The following KIAA0586 variants were observed in gnomAD, a reference collection of about 807,000 sequenced individuals.
KIAA0586 encodes the protein protein TALPID3.
A neutral mutation model predicts 169.8 loss-of-function variants in KIAA0586; 144 were observed. The observed-to-expected ratio is 0.85, with a 90% CI of 0.74 to 0.97. The LOEUF (loss-of-function observed/expected upper bound fraction) is 0.97. Among genes scored for constraint, KIAA0586 ranks in the 50% least tolerant of loss-of-function variants. KIAA0586 has a pLI of 0.00. For missense variants in KIAA0586, 1,854 were observed against 1,823.0 expected (o/e 1.02, Z -0.31); for synonymous variants, 625 against 612.4 (o/e 1.02, Z -0.30).
Position 58,432,435 on chromosome 14 carries a change from C to G in KIAA0586, c.388C>G (p.Leu130Val), listed in dbSNP as rs1296880388. 2 of 1,567,468 alleles carry G rather than the reference C, an allele frequency of 1.3e-6. No homozygotes were observed. The highest frequency in any genetic ancestry group is 1.7e-6 in the Non-Finnish European group (2 of 1,156,186). The change falls in exon 4 of 31, where the codon CTA (leucine) becomes GTA (valine). Residue 130 changes from leucine to valine, a missense_variant. Physicochemically the swap from Leu to Val is conservative, Grantham distance 32 (BLOSUM62 1). Transcript: ENST00000652326. ...GTATACAATGGGACAGAAAGATGCT[C>G]TAAGAACAGTTTTAAAGCAAAAGTA... Reference protein sequence around the residue: ...SQYTMGQKDALRTVLKQKAQS... With the variant: ...SQYTMGQKDAVRTVLKQKAQS...
rs564257551 is a variant in KIAA0586, at chr14:58,537,805, G to A, written c.4430-2266G>A. ...TGGGACTACAGGTGCCTGCCACCAC[G>A]CCCGGCTAATTTTTTGTATTTTTAG... On this transcript the variant is annotated intron_variant, in intron 29 of 30. Coordinates refer to ENST00000652326, the MANE Select transcript of KIAA0586 (RefSeq NM_001329943.3). 4.0e-4 allele frequency among the ~76,000 whole-genome samples: 61 copies of A among 151,942 alleles called. No homozygotes were observed. In the South Asian group the frequency reaches 6.2e-3, roughly 16 times the overall value.
intron 9 of KIAA0586, 25 bp from the exon 10 acceptor site, chr14:58,456,676 AG>A: frequency 7.7e-7 from 1 of 1,301,850 alleles, no homozygotes; most frequent in Non-Finnish European, 1.1e-6. Flanking sequence ...AATCTTCTGT[AG>A]CGTTGAAACT....
intron 29 of KIAA0586, chr14:58,521,249 G>T: frequency 8.9e-7 from 1 of 1,117,998 alleles, no homozygotes; most frequent in South Asian, 1.2e-5. Flanking sequence ...CCGACAAGAC[G>T]GATCCTCACT....
At chr14:58,533,956 C>G (rs987706552) in intron 29 of KIAA0586, among the ~76,000 whole-genome samples, 3 of 152,188 alleles carry the variant, frequency 2.0e-5, no homozygotes, top group African/African-American at 7.2e-5. Flanking sequence ...TTCACTCTTT[C>G]AAAAGTTACC....
chr14:58,484,892 A>ATATATATATATTTATATATATTTT (rs1555391470), intron 21 of KIAA0586, among the ~76,000 whole-genome samples: 173 of 7,096 alleles, frequency 0.024, 2 homozygotes, highest in Admixed American at 0.038. Context: ...ATATATATTT[A>ATATATATATATTTATATATATTTT]TATATATATA....
chr14:58,456,236 A>G (rs999218490), intron 9 of KIAA0586, among the ~76,000 whole-genome samples: 4 of 152,152 alleles, frequency 2.6e-5, no homozygotes, highest in Non-Finnish European at 4.4e-5. Context: ...AAAAAATTCC[A>G]TAAAGCTTGC....
intron 10 of KIAA0586, 76 bp from the exon 11 acceptor site, chr14:58,457,683 C>A: frequency 1.1e-6 from 1 of 913,480 alleles, no homozygotes; most frequent in Non-Finnish European, 1.7e-6. Flanking sequence ...ATGGCCTCAA[C>A]AATAGTGATA....
At chr14:58,451,840 C>T (rs749247912) in intron 8 of KIAA0586, among the ~76,000 whole-genome samples, 17 of 152,116 alleles carry the variant, frequency 1.1e-4, no homozygotes, top group East Asian at 1.9e-4. Context: ...CCCGCCACCA[C>T]GCCTGGCTAA....
At chr14:58,456,935 C>A in intron 10 of KIAA0586, 125 bp downstream of exon 10, 1 of 629,866 alleles carries the variant, frequency 1.6e-6, no homozygotes, top group Non-Finnish European at 2.8e-6. Flanking sequence ...GATATGTCAG[C>A]CACATCTGTT....
At chr14:58,502,980 C>T in intron 27 of KIAA0586, among the ~76,000 whole-genome samples, 1 of 152,112 alleles carries the variant, frequency 6.6e-6, no homozygotes, top group Middle Eastern at 3.2e-3. Context: ...CAGGAAGTGT[C>T]CTATTTTCTG....
In KIAA0586 at chr14:58,540,112, C is replaced by A. The variant is rs2046548525; in HGVS notation, c.4471C>A (p.Pro1491Thr). Residue 1491 changes from proline (P) to threonine (T), a missense_variant, in exon 30 of 31, where the codon CCG (proline) becomes ACG (threonine). Physicochemically the swap from Pro to Thr is conservative, Grantham distance 38. Coordinates refer to ENST00000652326, the MANE Select transcript of KIAA0586 (RefSeq NM_001329943.3). ...DMDRTQIELN[P>T]YLTCVFSGGK... Reference sequence around the variant, plus strand: ...GGATCGGACACAAATTGAGCTTAATCCGTACCTCACATGTGTATTTTCAGG... The same window carrying A: ...GGATCGGACACAAATTGAGCTTAATACGTACCTCACATGTGTATTTTCAGG... The A allele has an allele frequency of 6.4e-7, 1 of 1,559,234 alleles. No individual in the cohort carries two copies. Among genetic ancestry groups the A allele is most frequent in the Non-Finnish European group, 8.7e-7 (1 of 1,147,676 alleles).
At chr14:58,532,082 T>C in intron 29 of KIAA0586, among the ~76,000 whole-genome samples, 1 of 151,828 alleles carries the variant, frequency 6.6e-6, no homozygotes, top group Non-Finnish European at 1.5e-5. Flanking sequence ...ATACCTAATG[T>C]AGATGATGGG....
chr14:58,522,631 C>T (rs2045303499), intron 29 of KIAA0586, among the ~76,000 whole-genome samples: 1 of 151,876 alleles, frequency 6.6e-6, no homozygotes. Context: ...TAAACAAGTC[C>T]TTATTAAACC....
chr14:58,427,573 G>C, upstream of KIAA0586: 7 of 1,534,852 alleles, frequency 4.6e-6, no homozygotes, highest in South Asian at 1.2e-5. Context: ...TCCGGAGTTT[G>C]TTTCCACCCG....
the KIAA0586 span, among the ~76,000 whole-genome samples, chr14:58,557,656 C>T: frequency 6.6e-6 from 1 of 152,152 alleles, no homozygotes; most frequent in South Asian, 2.1e-4. Context: ...TACATTGTAG[C>T]CACCAGACTG....
chr14:58,532,267 A>G (rs1006233744), intron 29 of KIAA0586, among the ~76,000 whole-genome samples: 24 of 152,208 alleles, frequency 1.6e-4, no homozygotes, highest in African/African-American at 5.5e-4. Context: ...TATGGCTGAT[A>G]AGATGGCATC....
the KIAA0586 span, among the ~76,000 whole-genome samples, chr14:58,556,501 G>C: frequency 6.6e-6 from 1 of 152,086 alleles, no homozygotes; most frequent in African/African-American, 2.4e-5. Context: ...CTGTGTAATA[G>C]CTCCCAAGTA....
chr14:58,467,818 A>G lies in KIAA0586; in HGVS notation c.2338A>G (p.Ile780Val), dbSNP rs752597351. Reference sequence around the variant, plus strand: ...ACACCCTGTAACTGTGACTACTTCTATTCCTCCATCATCTCGAAAAGTAGA... The same window carrying G: ...ACACCCTGTAACTGTGACTACTTCTGTTCCTCCATCATCTCGAAAAGTAGA... ...KPHPVTVTTS[I>V]PPSSRKVETG... The change falls in exon 16 of 31, where the codon ATT (isoleucine) becomes GTT (valine). Residue 780 changes from isoleucine to valine, a missense_variant. Physicochemically the swap from Ile to Val is conservative, Grantham distance 29. Transcript: ENST00000652326. 3.7e-6 allele frequency: 6 copies of G among 1,613,654 alleles called. No homozygotes were observed. Among genetic ancestry groups the G allele is most frequent in the East Asian group, 2.2e-5 (1 of 44,868 alleles).
At chr14:58,468,352 G>A (rs2040937807) in intron 16 of KIAA0586, among the ~76,000 whole-genome samples, 1 of 152,076 alleles carries the variant, frequency 6.6e-6, no homozygotes, top group Admixed American at 6.6e-5. Flanking sequence ...TGCCCCGCTG[G>A]CTCTGTTATT....
Sources: gnomAD v4.1 joint callset for allele counts (sites outside exome capture counted in the v4.1 genomes callset) on GRCh38, gnomAD v4.1.1 for gene constraint, MANE v1.5 for transcripts, NCBI Gene and HGNC (gene_info 2026-07-23, HGNC 2026-07-21) for gene names.